GNAI3: variants seen among roughly 807,000 people sequenced by gnomAD.
GNAI3 encodes guanine nucleotide-binding protein G(i) subunit alpha-3.
In GNAI3, 12 loss-of-function variants were observed where a neutral mutation model predicts 41.8. That is an observed-to-expected ratio of 0.29 (90% CI 0.18 to 0.47). The LOEUF (loss-of-function observed/expected upper bound fraction) is 0.47. Among genes scored for constraint, GNAI3 ranks in the 20% least tolerant of loss-of-function variants. The pLI is 1.00. For synonymous variants in GNAI3, 132 were observed against 146.5 expected (o/e 0.90, Z 0.71); for missense variants, 360 against 429.6 (o/e 0.84, Z 1.43).
chr1:109,562,228 CA>C (rs970427474), intron 1 of GNAI3, among the ~76,000 whole-genome samples: 17 of 149,218 alleles, frequency 1.1e-4, no homozygotes, highest in African/African-American at 3.9e-4. Context: ...AAAAATAATA[CA>C]AAAAAAGTAT....
In GNAI3 at chr1:109,598,262, C is replaced by T. The variant is rs1243690743; in HGVS notation, c.*5940C>T. On this transcript the variant is annotated 3_prime_UTR_variant, in exon 9 of 9. Coordinates refer to ENST00000369851, the MANE Select transcript of GNAI3 (RefSeq NM_006496.4). ...ATCACCTGTTCTGTTTATTCTTGCT[C>T]ATGTAGGATAAAGGTCCTGAGACCT... is the stretch of plus-strand genomic sequence containing the variant. The T allele has an allele frequency of 6.6e-6, 1 of 152,204 alleles. No homozygotes were observed. Among genetic ancestry groups the T allele is most frequent in the Non-Finnish European group, 1.5e-5 (1 of 68,042 alleles). 9.4% of individuals were successfully genotyped at this position (152,204 alleles called of 1,614,324 possible).
intron 3 of GNAI3, among the ~76,000 whole-genome samples, chr1:109,576,802 G>C (rs1196032525): frequency 1.3e-5 from 2 of 152,120 alleles, no homozygotes; most frequent in Non-Finnish European, 2.9e-5. Flanking sequence ...GATTACAGGC[G>C]TGAGCCACCA....
intron 7 of GNAI3, among the ~76,000 whole-genome samples, chr1:109,590,896 G>A (rs773881518): frequency 2.6e-5 from 4 of 151,950 alleles, no homozygotes; most frequent in Non-Finnish European, 5.9e-5. Flanking sequence ...TTGTTACCTG[G>A]TCTTCTTTAT....
chr1:109,561,182 T>C (rs1648299464), intron 1 of GNAI3, among the ~76,000 whole-genome samples: 1 of 152,158 alleles, frequency 6.6e-6, no homozygotes, highest in Admixed American at 6.5e-5. Flanking sequence ...TCTATTTTTG[T>C]TATTATGTTT....
chr1:109,592,279 A>T (rs745960782), intron 8 of GNAI3, 24 bp downstream of exon 8: 2 of 1,250,284 alleles, frequency 1.6e-6, no homozygotes, highest in Non-Finnish European at 2.3e-6. Context: ...CAAGGTAGTT[A>T]TAGTGCTACA....
At chr1:109,583,217 T>G (rs949118592) in intron 5 of GNAI3, among the ~76,000 whole-genome samples, 1 of 152,186 alleles carries the variant, frequency 6.6e-6, no homozygotes, top group Non-Finnish European at 1.5e-5. Context: ...TTTTAAATTT[T>G]TATTTTTTTA....
In GNAI3 at chr1:109,582,698, T is replaced by C. The variant is rs564233578; in HGVS notation, c.590+133T>C. 1.7e-4 allele frequency: 93 copies of C among 553,998 alleles called. No individual in the cohort carries two copies. In the Admixed American group the frequency reaches 2.5e-3, roughly 15 times the overall value. The allele number at this position is 553,998 out of a possible 1,614,324, so 34.3% of individuals were successfully genotyped here. On this transcript the variant is annotated intron_variant, in intron 5 of 8. Transcript: ENST00000369851. ...AAACTTAACATATTTATCAGCATTG[T>C]TTGAATATTTTAACTGAATGGGGGC...
intron 7 of GNAI3, 59 bp downstream of exon 7, chr1:109,586,941 G>C (rs1482251265): frequency 8.4e-7 from 1 of 1,185,580 alleles, no homozygotes; most frequent in Non-Finnish European, 1.2e-6. Flanking sequence ...CAACACTTTG[G>C]TGGCATTCAT....
At chr1:109,579,386 T>C in intron 4 of GNAI3, 25 bp downstream of exon 4, 1 of 1,569,886 alleles carries the variant, frequency 6.4e-7, no homozygotes, top group Admixed American at 1.7e-5. Context: ...TCTGTGAAAC[T>C]ATAACAGAGA....
At chr1:109,585,851 C>T (rs1411750383) in intron 5 of GNAI3, among the ~76,000 whole-genome samples, 2 of 151,750 alleles carry the variant, frequency 1.3e-5, no homozygotes, top group African/African-American at 4.8e-5. Flanking sequence ...ATAAATATAC[C>T]ATTATTATTA....
chr1:109,579,070 G>A, intron 3 of GNAI3, 134 bp from the exon 4 acceptor site: 2 of 655,972 alleles, frequency 3.0e-6, no homozygotes, highest in Non-Finnish European at 5.2e-6. Context: ...CTGTCATGCT[G>A]GCCTGTCAGA....
intron 1 of GNAI3, among the ~76,000 whole-genome samples, chr1:109,549,697 A>C (rs913688610): frequency 2.0e-5 from 3 of 152,216 alleles, no homozygotes; most frequent in African/African-American, 7.2e-5. Flanking sequence ...TAAGTTACAG[A>C]GTTGGACATA....
rs763113801 is a variant in GNAI3 at position 109,582,505 on chromosome 1, C to T, written c.530C>T (p.Thr177Met). 27 of 1,598,668 alleles carry T rather than the reference C, an allele frequency of 1.7e-5. No homozygotes were observed. The highest frequency in any genetic ancestry group is 2.1e-5 in the Non-Finnish European group (24 of 1,166,150). Residue 177 changes from threonine (T) to methionine (M), a missense_variant, in exon 5 of 9, where the codon ACG becomes ATG. Transcript: ENST00000369851. ...YIPTQQDVLR[T>M]RVKTTGIVET... is the part of the protein sequence containing the mutation. ...CCAACTCAGCAAGATGTTCTTCGGA[C>T]GAGAGTGAAGACCACAGGCATTGTA...
chr1:109,574,627 C>T (rs909659822), intron 3 of GNAI3, among the ~76,000 whole-genome samples: 27 of 151,988 alleles, frequency 1.8e-4, no homozygotes, highest in African/African-American at 6.3e-4. Context: ...ACTTAGTGGA[C>T]CCTGAAGATC....
chr1:109,552,789 A>G (rs765284087), intron 1 of GNAI3, among the ~76,000 whole-genome samples: 5 of 152,018 alleles, frequency 3.3e-5, no homozygotes, highest in Admixed American at 6.6e-5. Context: ...GCTCACCCCA[A>G]TGAGCCTTAC....
intron 1 of GNAI3, among the ~76,000 whole-genome samples, chr1:109,551,280 T>C (rs1238352164): frequency 1.3e-5 from 2 of 152,212 alleles, no homozygotes; most frequent in Non-Finnish European, 1.5e-5. Context: ...ATAACACACA[T>C]AGGAAATTAA....
intron 1 of GNAI3, among the ~76,000 whole-genome samples, chr1:109,555,963 CGTGTGTGTGTGTGTGT>C (rs71069692): frequency 2.9e-4 from 42 of 144,630 alleles, no homozygotes; most frequent in Non-Finnish European, 6.0e-4. Flanking sequence ...TGCGTGCGTG[CGTGTGTGTGTGTGTGT>C]GTGTGTGTGT....
intron 7 of GNAI3, chr1:109,591,402 G>T: frequency 3.6e-6 from 2 of 548,836 alleles, no homozygotes; most frequent in South Asian, 2.1e-5. Flanking sequence ...TGTTCATATT[G>T]GAAAAAGGAC....
chr1:109,590,496 C>T (rs1007971282), intron 7 of GNAI3, among the ~76,000 whole-genome samples: 2 of 152,108 alleles, frequency 1.3e-5, no homozygotes, highest in Non-Finnish European at 2.9e-5. Flanking sequence ...GGTTGTTTTC[C>T]AGATTTTAAG....
Sources: allele counts gnomAD v4.1 joint callset (sites outside exome capture counted in the v4.1 genomes callset), GRCh38; gene constraint gnomAD v4.1.1; transcripts MANE v1.5; gene names NCBI Gene and HGNC (gene_info 2026-07-23, HGNC 2026-07-21).